PIN4: variants seen among roughly 807,000 people sequenced by gnomAD.
The protein encoded by PIN4 is peptidyl-prolyl cis-trans isomerase NIMA-interacting 4.
In PIN4, 3 loss-of-function variants were observed where a neutral mutation model predicts 8.3. That is an observed-to-expected ratio of 0.36 (90% CI 0.16 to 0.93). The LOEUF is 0.93. PIN4 is among the 40% of genes least tolerant of loss of function. The pLI, the probability that PIN4 is intolerant of heterozygous loss-of-function variation, is 0.44. For missense variants in PIN4, 75 were observed against 100.6 expected (o/e 0.75, Z 1.09); for synonymous variants, 18 against 32.5 (o/e 0.55, Z 1.52).
intron 3 of PIN4, among the ~76,000 whole-genome samples, chrX:72,260,249 T>C (rs1373680851): frequency 8.9e-6 from 1 of 112,349 alleles, no homozygotes; most frequent in African/African-American, 3.2e-5. Flanking sequence ...AAATTGGCAG[T>C]GGTGCCGCCC....
intron 3 of PIN4, chrX:72,204,916 A>T: frequency 1.3e-6 from 1 of 791,308 alleles, no homozygotes; most frequent in Non-Finnish European, 1.8e-6. Flanking sequence ...TTCTTGCCTT[A>T]AGCCTGAATG....
Position 72,250,087 on chromosome X carries a change from T to G in PIN4, c.313-12620T>G, listed in dbSNP as rs369095769. On this transcript the variant is annotated intron_variant, in intron 3 of 3. Coordinates refer to the PIN4 transcript ENST00000423432. ...CAGTCCCTCTCAGCCTCCTGTGTTC[T>G]GGAGACTTTTCAGAGATGCCCATCA... Among the ~76,000 whole-genome samples the G allele has an allele frequency of 4.6e-5, 5 of 108,958 alleles. No individual in the cohort carries two copies. In the East Asian group the frequency reaches 1.2e-3, roughly 25 times the overall value. The allele number at this position is 108,958 out of a possible 115,157, so 94.6% of individuals were successfully genotyped here.
chrX:72,231,654 T>C (rs766859907), intron 3 of PIN4, among the ~76,000 whole-genome samples: 2 of 110,781 alleles, frequency 1.8e-5, no homozygotes, highest in African/African-American at 3.3e-5. Flanking sequence ...CCTGGGTTCA[T>C]AGGATTCTCC....
chrX:72,247,496 T>C (rs190668091), intron 3 of PIN4, among the ~76,000 whole-genome samples: 20 of 112,458 alleles, frequency 1.8e-4, no homozygotes, highest in African/African-American at 6.5e-4. Context: ...CTACATAGCA[T>C]GGGTGCCTCT....
chrX:72,248,264 C>T (rs945786954), intron 3 of PIN4, among the ~76,000 whole-genome samples: 3 of 77,252 alleles, frequency 3.9e-5, no homozygotes, highest in Non-Finnish European at 7.0e-5. Flanking sequence ...ACTCCTTTTG[C>T]GCCTAGGACA....
rs145257370 is a variant in PIN4, at chrX:72,230,475, C to G, written c.313-32232C>G. On this transcript the variant is annotated intron_variant, in intron 3 of 3. Coordinates refer to the PIN4 transcript ENST00000423432. Reference sequence around the variant, plus strand: ...CCTCACCCTAAAACCAATATATACTCTTAGTCTGTAAGAGAAAGCACTCCT... The same window carrying G: ...CCTCACCCTAAAACCAATATATACTGTTAGTCTGTAAGAGAAAGCACTCCT... 9.8e-5 allele frequency among the ~76,000 whole-genome samples: 11 copies of G among 112,136 alleles called. No homozygotes were observed. In the East Asian group the frequency reaches 3.1e-3, roughly 31 times the overall value.
At position 72,237,668 on chromosome X, in the gene PIN4, G is replaced by A. The variant is rs575132108; in HGVS notation, c.313-25039G>A. Among the ~76,000 whole-genome samples, 996 of 108,946 alleles carry A rather than the reference G, an allele frequency of 9.1e-3. 11 individuals carry two copies. Among genetic ancestry groups the A allele is most frequent in the African/African-American group, 0.032 (947 of 29,786 alleles). 94.6% of individuals were successfully genotyped at this position (108,946 alleles called of 115,157 possible). A position where few individuals can be genotyped will look rare whatever the true frequency, so the allele number is the denominator to read the frequency against. On this transcript the variant is annotated intron_variant, in intron 3 of 3. Coordinates refer to the PIN4 transcript ENST00000423432. Reference sequence around the variant, plus strand: ...GGTCCCAGCTACTCCGGAAACAGGTGGGAGGATCGCATGAGCCCCGGGGGA... The same window carrying A: ...GGTCCCAGCTACTCCGGAAACAGGTAGGAGGATCGCATGAGCCCCGGGGGA...
intron 3 of PIN4, among the ~76,000 whole-genome samples, chrX:72,248,322 A>G (rs867373766): frequency 0.04 from 2,784 of 69,338 alleles, 133 homozygotes; most frequent in African/African-American, 0.19. Context: ...AAAAAAAAAA[A>G]AAAAAAAAAA....
In PIN4 at chrX:72,247,741, T is replaced by A. The variant is rs147005687; in HGVS notation, c.313-14966T>A. On this transcript the variant is annotated intron_variant, in intron 3 of 3. Transcript: ENST00000423432. ...TGCCCAGATCCAAGTCAAGAACTGT[T>A]TGTTTCAGAGAACTGGCTTCCCAGC... Among the ~76,000 whole-genome samples the A allele has an allele frequency of 4.5e-3, 510 of 112,571 alleles. 2 individuals carry two copies. The highest frequency in any genetic ancestry group is 0.015 in the African/African-American group (471 of 31,075).
intron 3 of PIN4, among the ~76,000 whole-genome samples, chrX:72,258,400 C>T (rs930731254): frequency 8.9e-6 from 1 of 112,224 alleles, no homozygotes; most frequent in East Asian, 2.8e-4. Flanking sequence ...CAGAACAGGG[C>T]TCCCCCCACA....
chrX:72,232,855 C>T (rs927140093), intron 3 of PIN4, among the ~76,000 whole-genome samples: 5 of 110,584 alleles, frequency 4.5e-5, no homozygotes, highest in African/African-American at 1.6e-4. Flanking sequence ...ACTGATTTGA[C>T]ACTTTGGGAG....
chrX:72,216,929 G>A (rs771937634), intron 3 of PIN4, among the ~76,000 whole-genome samples: 2 of 112,372 alleles, frequency 1.8e-5, no homozygotes, highest in Non-Finnish European at 3.8e-5. Context: ...CAGTCAGGAT[G>A]TTAGCCACCA....
intron 3 of PIN4, among the ~76,000 whole-genome samples, chrX:72,235,437 C>G (rs1366419677): frequency 2.0e-5 from 2 of 101,062 alleles, no homozygotes; most frequent in African/African-American, 7.5e-5. Flanking sequence ...CTTTTGTAGC[C>G]TAGGCTGGAG....
intron 3 of PIN4, among the ~76,000 whole-genome samples, chrX:72,222,599 T>C (rs920447614): frequency 3.7e-4 from 38 of 104,060 alleles, no homozygotes; most frequent in East Asian, 9.3e-4. Flanking sequence ...TCCAGCCTTT[T>C]TTTTTTTTTT....
In PIN4 at chrX:72,206,065, A is replaced by G. The variant is rs774834145; in HGVS notation, c.312+9161A>G. 7.4e-6 allele frequency: 9 copies of G among 1,210,675 alleles called. No individual in the cohort carries two copies. In the South Asian group the frequency reaches 1.6e-4, roughly 21 times the overall value. Reference sequence around the variant, plus strand: ...TTCTGCATTTTGACTTTCATTTGTTATGGAAATAATGGGCCAAGGATTGCA... The same window carrying G: ...TTCTGCATTTTGACTTTCATTTGTTGTGGAAATAATGGGCCAAGGATTGCA... On this transcript the variant is annotated intron_variant, in intron 3 of 3. Coordinates refer to the PIN4 transcript ENST00000423432.
chrX:72,211,280 G>A (rs1029303886), intron 3 of PIN4, among the ~76,000 whole-genome samples: 1 of 110,756 alleles, frequency 9.0e-6, no homozygotes, highest in African/African-American at 3.3e-5. Flanking sequence ...AGCCAGGCCT[G>A]CTTGGGAGCC....
At chrX:72,226,271 A>G (rs2042953179) in intron 3 of PIN4, among the ~76,000 whole-genome samples, 1 of 111,838 alleles carries the variant, frequency 8.9e-6, no homozygotes. Flanking sequence ...ATTGGTTTAT[A>G]GATGGCAGTG....
At chrX:72,241,276 A>G (rs1224707313) in intron 3 of PIN4, among the ~76,000 whole-genome samples, 2 of 111,341 alleles carry the variant, frequency 1.8e-5, no homozygotes, top group Non-Finnish European at 3.8e-5. Context: ...AAGTAATGTC[A>G]TGAGGGATCC....
intron 3 of PIN4, among the ~76,000 whole-genome samples, chrX:72,254,165 T>C (rs1239043131): frequency 1.8e-5 from 2 of 111,381 alleles, no homozygotes; most frequent in African/African-American, 6.5e-5. Flanking sequence ...GATTTCCAAA[T>C]CTCACCCTTT....
Sources: gnomAD v4.1 joint callset for allele counts (sites outside exome capture counted in the v4.1 genomes callset) on GRCh38, gnomAD v4.1.1 for gene constraint, MANE v1.5 for transcripts, NCBI Gene and HGNC (gene_info 2026-07-23, HGNC 2026-07-21) for gene names.